The following ATR variants were observed in gnomAD, a reference collection of about 807,000 sequenced individuals.
ATR encodes the protein ATR checkpoint kinase, also known as serine/threonine-protein kinase ATR.
In ATR, 142 loss-of-function variants were observed where a neutral mutation model predicts 305.3. That is an observed-to-expected ratio of 0.47 (90% confidence interval 0.41 to 0.53). The LOEUF (loss-of-function observed/expected upper bound fraction) is 0.53, where lower values mean the gene tolerates loss of function less well. ATR is among the 20% of genes least tolerant of loss of function. The probability of loss-of-function intolerance (pLI) is 0.00; values close to 1 mark genes in which losing one functional copy is unlikely to be tolerated. For missense variants in ATR, 2,135 were observed against 3,133.1 expected (o/e 0.68, Z 7.60); for synonymous variants, 1,050 against 1,068.1 (o/e 0.98, Z 0.33).
At chr3:142,496,652 A>G (rs1559938298) in intron 33 of ATR, 132 bp from the exon 34 acceptor site, 1 of 893,900 alleles carries the variant, frequency 1.1e-6, no homozygotes. Context: ...TCTGTTCCCA[A>G]TACAGAACCT....
chr3:142,479,679 G>C (rs1197532798), intron 36 of ATR, among the ~76,000 whole-genome samples: 1 of 152,214 alleles, frequency 6.6e-6, no homozygotes, highest in African/African-American at 2.4e-5. Context: ...ATCCTGCAGA[G>C]TGTTTTCCAA....
At position 142,469,321 on chromosome 3, in the gene ATR, T is replaced by A; in HGVS notation, c.6552+16A>T. The A allele has an allele frequency of 6.3e-7, 1 of 1,595,330 alleles. No individual in the cohort carries two copies. Among genetic ancestry groups the A allele is most frequent in the Non-Finnish European group, 8.6e-7 (1 of 1,164,320 alleles). On this transcript the variant is annotated intron_variant, in intron 38 of 46. Transcript: ENST00000350721. ...TAAAAGATCTTTTCATATAAAAAGG[T>A]AAAAGACCCTTTTACCTTTGACACA...
intron 10 of ATR, among the ~76,000 whole-genome samples, chr3:142,554,843 C>A (rs868615346): frequency 6.6e-5 from 10 of 151,652 alleles, no homozygotes; most frequent in Admixed American, 6.6e-5. Context: ...ATCACTTGAG[C>A]CTGGGAGATC....
chr3:142,509,771 G>C (rs892678003), intron 27 of ATR, among the ~76,000 whole-genome samples: 4 of 151,510 alleles, frequency 2.6e-5, no homozygotes, highest in African/African-American at 9.7e-5. Flanking sequence ...AAATGTTAAA[G>C]AAATGTTAAA....
chr3:142,459,626 G>A (rs1463338942), intron 42 of ATR, among the ~76,000 whole-genome samples: 1 of 152,042 alleles, frequency 6.6e-6, no homozygotes, highest in Admixed American at 6.6e-5. Context: ...AACTGTGTGG[G>A]TCCACTTACA....
At chr3:142,569,787 C>T (rs1447175022) in intron 1 of ATR, among the ~76,000 whole-genome samples, 1 of 152,036 alleles carries the variant, frequency 6.6e-6, no homozygotes, top group Non-Finnish European at 1.5e-5. Flanking sequence ...GCTGGTACTA[C>T]AGGCATGCAC....
intron 24 of ATR, among the ~76,000 whole-genome samples, chr3:142,519,214 A>G (rs2033036364): frequency 6.6e-6 from 1 of 152,212 alleles, no homozygotes; most frequent in African/African-American, 2.4e-5. Flanking sequence ...CATCTAGACA[A>G]ATTATAAGCA....
At chr3:142,505,031 G>A (rs1346317319) in intron 29 of ATR, 108 bp downstream of exon 29, 18 of 1,354,890 alleles carry the variant, frequency 1.3e-5, no homozygotes, top group South Asian at 7.3e-5. Flanking sequence ...CCAACAGAGC[G>A]AGACTCTGTC....
intron 36 of ATR, among the ~76,000 whole-genome samples, chr3:142,478,917 C>A (rs1231609103): frequency 6.6e-6 from 1 of 152,060 alleles, no homozygotes; most frequent in Non-Finnish European, 1.5e-5. Context: ...TCAACCCCTG[C>A]CTTTTTTTGT....
intron 21 of ATR, among the ~76,000 whole-genome samples, chr3:142,532,750 T>G (rs1471126678): frequency 6.6e-6 from 1 of 152,212 alleles, no homozygotes; most frequent in Non-Finnish European, 1.5e-5. Context: ...TCAGGTGTAT[T>G]TTTAAATAAA....
In ATR at chr3:142,498,582, GA is replaced by G; in HGVS notation, c.5558+14del. 2 of 1,611,554 alleles carry G rather than the reference GA, an allele frequency of 1.2e-6. No individual in the cohort carries two copies. The highest frequency in any genetic ancestry group is 1.7e-5 in the Admixed American group (1 of 59,952). ...TTTATAGGCCAGAAATATAAAAATG[GA>G]AATTCCAAAATACCTCACAATATAT... On this transcript the variant is annotated intron_variant, in intron 32 of 46. Transcript: ENST00000350721.
chr3:142,550,921 G>C (rs2034449158), intron 13 of ATR, among the ~76,000 whole-genome samples: 1 of 151,964 alleles, frequency 6.6e-6, no homozygotes, highest in Non-Finnish European at 1.5e-5. Context: ...CTGAGTAGCT[G>C]GGATTACAGA....
chr3:142,456,344 G>A (rs944179971), intron 45 of ATR, among the ~76,000 whole-genome samples: 12 of 152,140 alleles, frequency 7.9e-5, no homozygotes, highest in Admixed American at 7.9e-4. Context: ...AAGGTGGGAG[G>A]ATCACTTGAG....
At position 142,453,139 on chromosome 3, in the gene ATR, C is replaced by T; in HGVS notation, c.7750G>A (p.Val2584Ile). ...KAPLNETGEV[V>I]NEKAKTHVLD... ...TACCTTCTACTAACCTTTTCATTGA[C>T]AACTTCTCCAGTTTCATTCAGTGGC... The change falls in exon 46 of 47, where the codon GTC (valine) becomes ATC (isoleucine). Residue 2584 changes from valine (V) to isoleucine (I), a missense_variant. Val to Ile is a conservative substitution (Grantham distance 29). Transcript: ENST00000350721. The T allele has an allele frequency of 6.2e-7, 1 of 1,614,136 alleles. No individual in the cohort carries two copies. The highest frequency in any genetic ancestry group is 1.1e-5 in the South Asian group (1 of 91,080).
intron 27 of ATR, among the ~76,000 whole-genome samples, chr3:142,508,946 A>C (rs1350511335): frequency 6.7e-6 from 1 of 149,086 alleles, no homozygotes; most frequent in East Asian, 2.0e-4. Context: ...AAAAAGAAAG[A>C]AATTGAAAGT....
rs2108512867 is a variant in ATR, at chr3:142,578,701, C to A, written c.4G>T (p.Gly2Trp). ...GAAGCCAGCTCCAGGCCATGTTCCC[C>A]CATGCTGAGGCTGCGAGGCACTAGT... M[G>W]EHGLELASMI... The change falls in exon 1 of 47, where the codon GGG becomes TGG. Residue 2 changes from glycine (G) to tryptophan (W), a missense_variant. By Grantham distance (184) the Gly-to-Trp change is radical (BLOSUM62 -2). This residue lies in a region of ATR where 744 missense variants were observed against 873.2 expected (regional missense o/e 0.85). Coordinates refer to ENST00000350721, the MANE Select transcript of ATR (RefSeq NM_001184.4). 1.9e-6 allele frequency: 3 copies of A among 1,613,182 alleles called. No individual in the cohort carries two copies. Among genetic ancestry groups the A allele is most frequent in the Non-Finnish European group, 2.5e-6 (3 of 1,179,754 alleles).
rs756845185 is a variant in ATR, at chr3:142,562,699, C to T, written c.703G>A (p.Val235Ile). 7 of 1,613,934 alleles carry T rather than the reference C, an allele frequency of 4.3e-6. No individual in the cohort carries two copies. The East Asian group carries it at 8.9e-5, about 21-fold the overall frequency. ...QELLLWQIGCVLLEYGSPKIK... is the reference protein window; with the variant it reads ...QELLLWQIGCILLEYGSPKIK... ...TTTGGACTACCATACTCTAGCAGAA[C>T]ACAACCTATCTGCCAAAGTAAGAGT... Residue 235 changes from valine (V) to isoleucine (I), a missense_variant, in exon 4 of 47, where the codon GTT becomes ATT. By Grantham distance (29) the Val-to-Ile change is conservative. This residue lies in a region of ATR where 744 missense variants were observed against 873.2 expected (regional missense o/e 0.85). Coordinates refer to ENST00000350721, the MANE Select transcript of ATR (RefSeq NM_001184.4).
intron 41 of ATR, 114 bp from the exon 42 acceptor site, chr3:142,462,204 C>A: frequency 1.9e-6 from 2 of 1,060,980 alleles, no homozygotes; most frequent in Non-Finnish European, 2.8e-6. Flanking sequence ...TCATTGAAGG[C>A]TTACTATGTG....
intron 19 of ATR, among the ~76,000 whole-genome samples, chr3:142,538,185 C>T (rs2033924570): frequency 6.6e-6 from 1 of 152,132 alleles, no homozygotes; most frequent in African/African-American, 2.4e-5. Context: ...TGCTATTCAA[C>T]TATCTGCCTT....
Sources: allele counts gnomAD v4.1 joint callset (sites outside exome capture counted in the v4.1 genomes callset), GRCh38; gene constraint gnomAD v4.1.1; regional missense constraint gnomAD v4.1.1; transcripts MANE v1.5; gene names NCBI Gene and HGNC (gene_info 2026-07-23, HGNC 2026-07-21).